The following THSD4 variants were observed in gnomAD, a reference collection of about 807,000 sequenced individuals.
THSD4 encodes the protein thrombospondin type-1 domain-containing protein 4.
In THSD4, 69 loss-of-function variants were observed where a neutral mutation model predicts 119.0. The observed-to-expected ratio is 0.58, with a 90% CI of 0.48 to 0.71. The LOEUF (loss-of-function observed/expected upper bound fraction) is 0.71, where lower values mean the gene tolerates loss of function less well. Among genes scored for constraint, THSD4 ranks in the 30% least tolerant of loss-of-function variants. The probability of loss-of-function intolerance (pLI) is 0.00; values close to 1 mark genes in which losing one functional copy is unlikely to be tolerated. For missense variants in THSD4, 1,393 were observed against 1,391.1 expected, an observed-to-expected ratio of 1.00 and a Z score of -0.02; for synonymous variants, 524 against 540.4, an observed-to-expected ratio of 0.97 and a Z score of 0.42.
intron 3 of THSD4, among the ~76,000 whole-genome samples, chr15:71,189,810 G>A (rs965998769): frequency 2.0e-5 from 3 of 152,104 alleles, no homozygotes; most frequent in Non-Finnish European, 4.4e-5. Context: ...TGTATCCATT[G>A]TTAAAACACA....
In THSD4 at chr15:71,215,330, A is replaced by C; in HGVS notation, c.395A>C (p.Gln132Pro). The change falls in exon 4 of 18, where the codon CAG (glutamine) becomes CCG (proline). Residue 132 changes from glutamine (Q) to proline (P), a missense_variant. Coordinates refer to ENST00000261862, the MANE Select transcript of THSD4 (RefSeq NM_024817.3). ...PALAGTDASR[Q>P]GPTVLRGSRH... The stretch of plus-strand genomic sequence containing the variant: ...CTGGCCGGTACGGACGCCAGCCGCC[A>C]GGGCCCCACGGTGCTGCGAGGCAGC... 1 of 1,530,490 alleles carries C rather than the reference A, an allele frequency of 6.5e-7. No individual in the cohort carries two copies. The highest frequency in any genetic ancestry group is 8.7e-7 in the Non-Finnish European group (1 of 1,144,776). The allele number at this position is 1,530,490 out of a possible 1,614,324, so 94.8% of individuals were successfully genotyped here.
At chr15:71,500,320 A>T (rs2048090996) in intron 7 of THSD4, among the ~76,000 whole-genome samples, 6 of 152,102 alleles carry the variant, frequency 3.9e-5, no homozygotes, top group Admixed American at 3.9e-4. Flanking sequence ...CCATTTTTAA[A>T]TTAGATTTGT....
At chr15:71,716,021 GGA>G (rs2052601002) in intron 8 of THSD4, among the ~76,000 whole-genome samples, 1 of 152,162 alleles carries the variant, frequency 6.6e-6, no homozygotes, top group South Asian at 2.1e-4. Flanking sequence ...TCACAGTTCT[GGA>G]GACCAGAATT....
chr15:71,425,167 T>G (rs2046852465), intron 7 of THSD4, among the ~76,000 whole-genome samples: 1 of 152,216 alleles, frequency 6.6e-6, no homozygotes, highest in African/African-American at 2.4e-5. Context: ...ATGTGCTGTG[T>G]CCTTTACACA....
In THSD4 at chr15:71,460,305, GTTTTTT is replaced by G. The variant is rs563476190; in HGVS notation, c.1152+48499_1152+48504del. ...GTGGAGAAGAAATACAAGTTGCCTGGTTTTTTTTTTTTTTTTTTTTTTGAAAGCATG... is the reference window on the plus strand; with the variant it reads ...GTGGAGAAGAAATACAAGTTGCCTGGTTTTTTTTTTTTTTTTGAAAGCATG... On this transcript the variant is annotated intron_variant, in intron 7 of 17. Coordinates refer to ENST00000261862, the MANE Select transcript of THSD4 (RefSeq NM_024817.3). Among the ~76,000 whole-genome samples the G allele has an allele frequency of 1.8e-4, 22 of 122,590 alleles. No homozygotes were observed. The South Asian group carries it at 4.6e-3, about 26-fold the overall frequency. 80.4% of individuals were successfully genotyped at this position (122,590 alleles called of 152,430 possible). A position where few individuals can be genotyped will look rare whatever the true frequency, so the allele number is the denominator to read the frequency against.
At chr15:71,729,743 A>G (rs1276201930) in intron 9 of THSD4, 2 of 152,052 alleles carry the variant, frequency 1.3e-5, no homozygotes, top group Non-Finnish European at 2.9e-5. Flanking sequence ...GCCAACAGCA[A>G]TTTCATAAAC....
intron 3 of THSD4, among the ~76,000 whole-genome samples, chr15:71,196,983 C>G (rs1243264776): frequency 2.6e-5 from 4 of 152,318 alleles, no homozygotes; most frequent in African/African-American, 9.6e-5. Flanking sequence ...ATTCAACCCA[C>G]TATGCATTCA....
intron 7 of THSD4, among the ~76,000 whole-genome samples, chr15:71,588,231 G>A (rs1393660301): frequency 8.0e-5 from 12 of 150,008 alleles, no homozygotes; most frequent in Non-Finnish European, 1.3e-4. Flanking sequence ...GCGTGAACCC[G>A]GGAGGCGGAG....
At chr15:71,282,712 C>T (rs931235226) in intron 6 of THSD4, among the ~76,000 whole-genome samples, 6 of 152,150 alleles carry the variant, frequency 3.9e-5, no homozygotes, top group African/African-American at 1.4e-4. Flanking sequence ...TTCATTTACC[C>T]AGATTCTATC....
At chr15:71,230,305 G>A (rs913540362) in intron 4 of THSD4, among the ~76,000 whole-genome samples, 4 of 152,200 alleles carry the variant, frequency 2.6e-5, no homozygotes, top group African/African-American at 9.6e-5. Context: ...GCTCCTCTTA[G>A]TTACTCTGGA....
chr15:71,243,225 C>T (rs1460580852), intron 5 of THSD4, 129 bp downstream of exon 5: 3 of 932,834 alleles, frequency 3.2e-6, no homozygotes, highest in Admixed American at 6.3e-5. Context: ...TTTAATCTTC[C>T]TCCTTTCTCT....
At chr15:71,699,802 A>G (rs147882648) in intron 8 of THSD4, among the ~76,000 whole-genome samples, 2 of 152,324 alleles carry the variant, frequency 1.3e-5, no homozygotes, top group Admixed American at 6.5e-5. Flanking sequence ...TAAAAATTCA[A>G]ATAATTCCAG....
Position 71,406,296 on chromosome 15 carries a change from A to G in THSD4, c.1016-5391A>G, listed in dbSNP as rs892137177. On this transcript the variant is annotated intron_variant, in intron 6 of 17. Coordinates refer to ENST00000261862, the MANE Select transcript of THSD4 (RefSeq NM_024817.3). ...GCCTAACATTTATTCCCTCTTGGAGATGTTTCATGTGCACTTGAGAAGAAT... is the reference window on the plus strand; with the variant it reads ...GCCTAACATTTATTCCCTCTTGGAGGTGTTTCATGTGCACTTGAGAAGAAT... 3.9e-5 allele frequency among the ~76,000 whole-genome samples: 6 copies of G among 152,062 alleles called. No individual in the cohort carries two copies. The South Asian group carries it at 6.3e-4, about 16-fold the overall frequency.
At chr15:71,491,954 A>G (rs1471031144) in intron 7 of THSD4, among the ~76,000 whole-genome samples, 1 of 152,250 alleles carries the variant, frequency 6.6e-6, no homozygotes, top group Non-Finnish European at 1.5e-5. Flanking sequence ...GTACAAATGG[A>G]CTAAGACAGT....
chr15:71,174,487 C>T (rs1369632166), intron 3 of THSD4, among the ~76,000 whole-genome samples: 8 of 130,466 alleles, frequency 6.1e-5, no homozygotes, highest in African/African-American at 1.7e-4. Flanking sequence ...GAGGGTCCTA[C>T]GCCCACGGAA....
intron 7 of THSD4, among the ~76,000 whole-genome samples, chr15:71,491,575 A>G (rs911377929): frequency 1.3e-5 from 2 of 152,222 alleles, no homozygotes; most frequent in African/African-American, 4.8e-5. Context: ...CTAGAGCTGT[A>G]AGAAATAAAT....
intron 1 of THSD4, among the ~76,000 whole-genome samples, chr15:71,130,726 T>G (rs2040495812): frequency 6.6e-6 from 1 of 152,152 alleles, no homozygotes; most frequent in African/African-American, 2.4e-5. Flanking sequence ...CTGTCACATA[T>G]TATACACCTA....
intron 6 of THSD4, among the ~76,000 whole-genome samples, chr15:71,327,246 C>T (rs1040491742): frequency 1.3e-5 from 2 of 152,062 alleles, no homozygotes; most frequent in African/African-American, 2.4e-5. Flanking sequence ...TCATGGTGGC[C>T]TTTTCTCCCC....
At chr15:71,580,124 T>C (rs570073717) in intron 7 of THSD4, among the ~76,000 whole-genome samples, 1 of 152,268 alleles carries the variant, frequency 6.6e-6, no homozygotes, top group South Asian at 2.1e-4. Context: ...GTAAGAAGTA[T>C]AGATGTCATG....
Sources: allele counts gnomAD v4.1 joint callset (sites outside exome capture counted in the v4.1 genomes callset), GRCh38; gene constraint gnomAD v4.1.1; transcripts MANE v1.5; gene names NCBI Gene and HGNC (gene_info 2026-07-23, HGNC 2026-07-21).